ZSWIM5: variants seen among roughly 807,000 people sequenced by gnomAD.
ZSWIM5 encodes zinc finger SWIM domain-containing protein 5.
In ZSWIM5, 55 loss-of-function variants were observed where a neutral mutation model predicts 119.6. That is an observed-to-expected ratio of 0.46 (90% CI 0.37 to 0.58). The LOEUF (loss-of-function observed/expected upper bound fraction) is 0.58, where lower values mean the gene tolerates loss of function less well. Ranked by LOEUF, ZSWIM5 falls within the 20% of genes least tolerant of loss-of-function variation. The pLI is 0.00. For missense variants in ZSWIM5, 1,193 were observed against 1,512.8 expected, an observed-to-expected ratio of 0.79 and a Z score of 3.51; for synonymous variants, 537 against 606.9, an observed-to-expected ratio of 0.88 and a Z score of 1.69.
At position 45,020,721 on chromosome 1, in the gene ZSWIM5, G is replaced by T. The variant is rs750508788; in HGVS notation, c.2517C>A (p.Ile839=). The T allele has an allele frequency of 4.3e-6, 7 of 1,614,084 alleles. No individual in the cohort carries two copies. The African/African-American group carries it at 9.3e-5, about 22-fold the overall frequency. Reference sequence around the variant, plus strand: ...TGAATGCATCTTGGGCCAGTTTGAAGATGAGGGAGGAAGAATGAATGTGCT... The same window carrying T: ...TGAATGCATCTTGGGCCAGTTTGAATATGAGGGAGGAAGAATGAATGTGCT... ...IQKHIHSSSL[I]FKLAQDAFKI... The change falls in exon 12 of 14, where the codon ATC becomes ATA. Residue 839 remains isoleucine, a synonymous_variant. Coordinates refer to ENST00000359600, the MANE Select transcript of ZSWIM5 (RefSeq NM_020883.2).
chr1:45,032,636 C>T (rs1644959931), intron 11 of ZSWIM5, among the ~76,000 whole-genome samples: 1 of 151,850 alleles, frequency 6.6e-6, no homozygotes, highest in South Asian at 2.1e-4. Flanking sequence ...CAGGTGTGCA[C>T]TACCACGCCC....
At chr1:45,097,992 A>G (rs1645413391) in intron 1 of ZSWIM5, among the ~76,000 whole-genome samples, 1 of 152,224 alleles carries the variant, frequency 6.6e-6, no homozygotes, top group African/African-American at 2.4e-5. Context: ...TGAGGAAATA[A>G]TATTTTGTCC....
chr1:45,039,106 G>T, intron 7 of ZSWIM5, 33 bp from the exon 8 acceptor site: 1 of 1,611,368 alleles, frequency 6.2e-7, no homozygotes, highest in Non-Finnish European at 8.5e-7. Context: ...TTTAGACAGT[G>T]ATAGAGACAA....
Position 45,205,797 on chromosome 1 carries a change from C to A in ZSWIM5, c.554G>T (p.Arg185Leu), listed in dbSNP as rs1332822224. ...CTCCACGGAGCCGCTGTCCAGCAGA[C>A]GGATGCCCCGGCGGAACGGGAGCCC... ...GEGLPFRRGI[R>L]LLDSGSVENV... The change falls in exon 1 of 14, where the codon CGT becomes CTT. Residue 185 changes from arginine to leucine, a missense_variant. Coordinates refer to ENST00000359600, the MANE Select transcript of ZSWIM5 (RefSeq NM_020883.2). 6.4e-7 allele frequency: 1 copy of A among 1,553,502 alleles called. No homozygotes were observed.
At chr1:45,094,091 C>T (rs935735075) in intron 1 of ZSWIM5, among the ~76,000 whole-genome samples, 2 of 151,144 alleles carry the variant, frequency 1.3e-5, no homozygotes, top group African/African-American at 2.4e-5. Context: ...GAGTCTTACC[C>T]TGTCGCCAGG....
Position 45,088,612 on chromosome 1 carries a change from T to A in ZSWIM5, c.596-375A>T, listed in dbSNP as rs1189315763. On this transcript the variant is annotated intron_variant, in intron 1 of 13. Coordinates refer to ENST00000359600, the MANE Select transcript of ZSWIM5 (RefSeq NM_020883.2). The surrounding 1 kb of genome is among the most constrained non-coding windows in gnomAD (Gnocchi z 4.2). The stretch of plus-strand genomic sequence containing the variant: ...CCTGTAGTAGATTTTCAGCTCTAGG[T>A]GGTAGGCAAAGACAAGTCTACAAAT... Among the ~76,000 whole-genome samples, 1 of 152,140 alleles carries A rather than the reference T, an allele frequency of 6.6e-6. No individual in the cohort carries two copies. Among genetic ancestry groups the A allele is most frequent in the East Asian group, 1.9e-4 (1 of 5,194 alleles).
At chr1:45,082,171 C>T (rs1326832892) in intron 2 of ZSWIM5, among the ~76,000 whole-genome samples, 1 of 151,386 alleles carries the variant, frequency 6.6e-6, no homozygotes, top group African/African-American at 2.4e-5. Flanking sequence ...TCTCAAGTAC[C>T]CAGGGACACA....
rs530532818 is a variant in ZSWIM5 at position 45,191,460 on chromosome 1, C to T, written c.595+14296G>A. On this transcript the variant is annotated intron_variant, in intron 1 of 13. Transcript: ENST00000359600. ...CTCTACCACATAAAGAAAAATACCC[C>T]ACCCAGGGTTATGCCTCTTCTCCCT... 2.0e-5 allele frequency among the ~76,000 whole-genome samples: 3 copies of T among 152,284 alleles called. No individual in the cohort carries two copies. In the East Asian group the frequency reaches 5.8e-4, roughly 29 times the overall value.
intron 1 of ZSWIM5, among the ~76,000 whole-genome samples, chr1:45,151,839 T>C (rs1163640607): frequency 6.6e-6 from 1 of 152,210 alleles, no homozygotes; most frequent in African/African-American, 2.4e-5. Flanking sequence ...TTGACACATG[T>C]TAAGTTTGAC....
chr1:45,148,939 A>C (rs1355352853), intron 1 of ZSWIM5, among the ~76,000 whole-genome samples: 1 of 152,208 alleles, frequency 6.6e-6, no homozygotes, highest in Non-Finnish European at 1.5e-5. Flanking sequence ...CAGCTGCTTA[A>C]GGGAATAACA....
chr1:45,140,858 A>T (rs1251100283), intron 1 of ZSWIM5, among the ~76,000 whole-genome samples: 1 of 152,218 alleles, frequency 6.6e-6, no homozygotes, highest in Non-Finnish European at 1.5e-5. Flanking sequence ...AGACTGGGAA[A>T]GGAGACCAGA....
intron 1 of ZSWIM5, among the ~76,000 whole-genome samples, chr1:45,195,062 T>G (rs965345373): frequency 6.6e-6 from 1 of 152,182 alleles, no homozygotes; most frequent in Non-Finnish European, 1.5e-5. Flanking sequence ...TAACTTCTTC[T>G]ATTATTACAG....
intron 1 of ZSWIM5, among the ~76,000 whole-genome samples, chr1:45,177,111 T>A (rs142518504): frequency 6.2e-4 from 94 of 152,270 alleles, no homozygotes; most frequent in African/African-American, 2.2e-3. Flanking sequence ...AGAAGAGCAG[T>A]ATCATTGTAT....
chr1:45,176,564 C>G (rs904226538), intron 1 of ZSWIM5, among the ~76,000 whole-genome samples: 2 of 152,152 alleles, frequency 1.3e-5, no homozygotes, highest in African/African-American at 4.8e-5. Context: ...CGCGCCCGGC[C>G]TGGTCTACAT....
At chr1:45,040,331 C>T in intron 7 of ZSWIM5, 61 bp downstream of exon 7, 1 of 1,470,584 alleles carries the variant, frequency 6.8e-7, no homozygotes, top group East Asian at 2.5e-5. Flanking sequence ...GGCCTTGTAT[C>T]CCCTGAGGAT....
chr1:45,044,189 C>CAA (rs779975167), intron 5 of ZSWIM5, among the ~76,000 whole-genome samples: 22 of 71,624 alleles, frequency 3.1e-4, no homozygotes, highest in South Asian at 7.9e-4. Context: ...AATCCCATCT[C>CAA]AAAAAAAAAA....
chr1:45,132,690 G>T (rs1645665311), intron 1 of ZSWIM5, among the ~76,000 whole-genome samples: 1 of 151,974 alleles, frequency 6.6e-6, no homozygotes, highest in East Asian at 1.9e-4. Flanking sequence ...GTATACATGT[G>T]CCATGTTGGT....
chr1:45,206,375 A>AGGC lies in ZSWIM5; in HGVS notation c.-28_-26dup, dbSNP rs1472833756. The AGGC allele has an allele frequency of 4.4e-6, 6 of 1,361,962 alleles. No individual in the cohort carries two copies. The highest frequency in any genetic ancestry group is 5.7e-6 in the Non-Finnish European group (6 of 1,059,690). 84.4% of individuals were successfully genotyped at this position (1,361,962 alleles called of 1,614,324 possible). A position where few individuals can be genotyped will look rare whatever the true frequency, so the allele number is the denominator to read the frequency against. On this transcript the variant is annotated 5_prime_UTR_variant, in exon 1 of 14. Coordinates refer to ENST00000359600, the MANE Select transcript of ZSWIM5 (RefSeq NM_020883.2). Reference sequence around the variant, plus strand: ...TTGCTGGGGACTGACTGACTGACTGAGGCGGCGGCGGCTGCTCGGGCTGCG... The same window carrying AGGC: ...TTGCTGGGGACTGACTGACTGACTGAGGCGGCGGCGGCGGCTGCTCGGGCTGCG...
rs751459230 is a variant in ZSWIM5 at position 45,020,765 on chromosome 1, T to C, written c.2473A>G (p.Ile825Val). 1.2e-6 allele frequency: 2 copies of C among 1,614,116 alleles called. No individual in the cohort carries two copies. Among genetic ancestry groups the C allele is most frequent in the Non-Finnish European group, 1.7e-6 (2 of 1,180,012 alleles). Residue 825 changes from isoleucine (I) to valine (V), a missense_variant, in exon 12 of 14, where the codon ATT (isoleucine) becomes GTT (valine). Coordinates refer to ENST00000359600, the MANE Select transcript of ZSWIM5 (RefSeq NM_020883.2). ...AKGDTLRLRT[I>V]LEAIQKHIHS... The stretch of plus-strand genomic sequence containing the variant: ...ATGTGCTTCTGTATTGCTTCCAGAA[T>C]TGTTCGGAGTCTCAAAGTGTCTCCT...
Sources: allele counts gnomAD v4.1 joint callset (sites outside exome capture counted in the v4.1 genomes callset), GRCh38; gene constraint gnomAD v4.1.1; non-coding constraint Gnocchi (gnomAD v3.1); transcripts MANE v1.5; gene names NCBI Gene and HGNC (gene_info 2026-07-23, HGNC 2026-07-21).